Variants in CNTNAP2 observed in about 807,000 individuals in gnomAD.
The protein encoded by CNTNAP2 is contactin associated protein 2, also known as contactin-associated protein-like 2.
In CNTNAP2, 98 loss-of-function variants were observed where a neutral mutation model predicts 155.2. The observed-to-expected ratio is 0.63, with a 90% CI of 0.54 to 0.75. CNTNAP2 has a LOEUF of 0.75. Among genes scored for constraint, CNTNAP2 ranks in the 30% least tolerant of loss-of-function variants. The pLI, the probability that CNTNAP2 is intolerant of heterozygous loss-of-function variation, is 0.00. For synonymous variants in CNTNAP2, 651 were observed against 631.2 expected, an observed-to-expected ratio of 1.03 and a Z score of -0.47; for missense variants, 1,727 against 1,688.1, an observed-to-expected ratio of 1.02 and a Z score of -0.40.
At chr7:147,639,852 C>A (rs1364067596) in intron 13 of CNTNAP2, among the ~76,000 whole-genome samples, 1 of 152,146 alleles carries the variant, frequency 6.6e-6, no homozygotes, top group Non-Finnish European at 1.5e-5. Context: ...TGCAAACACA[C>A]ATACATGTGT....
At chr7:148,393,804 CATTA>C (rs1444361929) in intron 22 of CNTNAP2, among the ~76,000 whole-genome samples, 1 of 151,990 alleles carries the variant, frequency 6.6e-6, no homozygotes, top group African/African-American at 2.4e-5. Flanking sequence ...GTTTGTATTT[CATTA>C]ATTATGAGTT....
At chr7:147,756,014 C>T (rs1004355871) in intron 13 of CNTNAP2, among the ~76,000 whole-genome samples, 1 of 151,978 alleles carries the variant, frequency 6.6e-6, no homozygotes, top group African/African-American at 2.4e-5. Context: ...TTTTTAACTT[C>T]CCAACTCTTT....
intron 1 of CNTNAP2, among the ~76,000 whole-genome samples, chr7:146,352,766 T>TTTTTTTTTTTTTTTTTTC (rs1794936904): frequency 7.4e-6 from 1 of 135,540 alleles, no homozygotes. Context: ...TTTTTTTTTT[T>TTTTTTTTTTTTTTTTTTC]TTTTTCGAGA....
chr7:146,772,381 A>G (rs1016485736), intron 1 of CNTNAP2, among the ~76,000 whole-genome samples: 9 of 151,796 alleles, frequency 5.9e-5, no homozygotes, highest in East Asian at 2.0e-4. Context: ...AGGAGGGGCC[A>G]GGTGCGGTGG....
intron 7 of CNTNAP2, among the ~76,000 whole-genome samples, chr7:147,131,599 A>G (rs770411940): frequency 2.6e-5 from 4 of 152,090 alleles, no homozygotes; most frequent in Non-Finnish European, 5.9e-5. Flanking sequence ...GCATTGTGAT[A>G]TAAGCACAAT....
At chr7:148,348,550 G>A (rs948666363) in intron 21 of CNTNAP2, among the ~76,000 whole-genome samples, 10 of 152,174 alleles carry the variant, frequency 6.6e-5, no homozygotes, top group African/African-American at 2.2e-4. Context: ...AGGCCCTCAC[G>A]GAGGACGAGG....
intron 1 of CNTNAP2, among the ~76,000 whole-genome samples, chr7:146,207,160 C>T (rs1798959802): frequency 6.6e-6 from 1 of 151,894 alleles, no homozygotes; most frequent in African/African-American, 2.4e-5. Flanking sequence ...TTAAGGTATT[C>T]ACAGCTTTCA....
intron 14 of CNTNAP2, among the ~76,000 whole-genome samples, chr7:147,911,850 A>G (rs1800072401): frequency 6.6e-6 from 1 of 152,094 alleles, no homozygotes; most frequent in Non-Finnish European, 1.5e-5. Context: ...TTCTTCATTC[A>G]TTTGCCAAGG....
chr7:147,025,515 G>A (rs1455380618), intron 3 of CNTNAP2, among the ~76,000 whole-genome samples: 2 of 84,796 alleles, frequency 2.4e-5, no homozygotes, highest in South Asian at 1.3e-3. Context: ...ACGGGGAGAA[G>A]AAAGTGGGGA....
intron 8 of CNTNAP2, among the ~76,000 whole-genome samples, chr7:147,169,154 A>G (rs982512593): frequency 6.6e-6 from 1 of 152,208 alleles, no homozygotes; most frequent in Non-Finnish European, 1.5e-5. Context: ...ATTTATCTAT[A>G]CGACTCTAAT....
At chr7:147,374,681 C>G (rs1048101951) in intron 9 of CNTNAP2, among the ~76,000 whole-genome samples, 2 of 151,978 alleles carry the variant, frequency 1.3e-5, no homozygotes, top group African/African-American at 2.4e-5. Context: ...CAGTATGCTT[C>G]CTCCAGAGGA....
intron 1 of CNTNAP2, among the ~76,000 whole-genome samples, chr7:146,138,063 A>G (rs547873707): frequency 4.5e-4 from 68 of 152,204 alleles, no homozygotes; most frequent in African/African-American, 1.5e-3. Flanking sequence ...TCATGAGGCT[A>G]AAGCCAGATA....
chr7:147,702,055 GTTT>G (rs553693695), intron 13 of CNTNAP2, among the ~76,000 whole-genome samples: 20 of 111,902 alleles, frequency 1.8e-4, no homozygotes, highest in African/African-American at 6.1e-4. Context: ...ACTTTGGTTG[GTTT>G]TTTTTTTTTT....
chr7:146,282,609 A>C (rs2129085108), intron 1 of CNTNAP2, among the ~76,000 whole-genome samples: 1 of 152,332 alleles, frequency 6.6e-6, no homozygotes, highest in Non-Finnish European at 1.5e-5. Flanking sequence ...TTGCTCTCAG[A>C]AAAATCACTA....
At chr7:148,261,219 G>A (rs927131760) in intron 20 of CNTNAP2, among the ~76,000 whole-genome samples, 3 of 151,892 alleles carry the variant, frequency 2.0e-5, no homozygotes, top group African/African-American at 7.3e-5. Flanking sequence ...GGAGTGCAGT[G>A]GCACCATCTC....
intron 8 of CNTNAP2, among the ~76,000 whole-genome samples, chr7:147,147,476 A>G (rs2129288643): frequency 6.6e-6 from 1 of 152,292 alleles, no homozygotes; most frequent in East Asian, 1.9e-4. Flanking sequence ...TTTCAGCAAA[A>G]AAAACAAAAA....
At chr7:147,181,860 C>T (rs1397352154) in intron 8 of CNTNAP2, among the ~76,000 whole-genome samples, 2 of 152,108 alleles carry the variant, frequency 1.3e-5, no homozygotes, top group Non-Finnish European at 2.9e-5. Context: ...GCCGCAGTGG[C>T]TCACGCCTGT....
At chr7:147,651,135 G>A (rs112796314) in intron 13 of CNTNAP2, among the ~76,000 whole-genome samples, 2,441 of 152,228 alleles carry the variant, frequency 0.016, 37 homozygotes, top group Middle Eastern at 0.027. Flanking sequence ...TATATTTAGA[G>A]ATTTATTGCA....
chr7:147,315,128 A>G (rs1053044882), intron 9 of CNTNAP2, among the ~76,000 whole-genome samples: 6 of 141,936 alleles, frequency 4.2e-5, no homozygotes, highest in African/African-American at 1.5e-4. Context: ...AAAAAAAAAA[A>G]AGTCTTTGGC....
Sources: gnomAD v4.1 joint callset for allele counts (sites outside exome capture counted in the v4.1 genomes callset) on GRCh38, gnomAD v4.1.1 for gene constraint, MANE v1.5 for transcripts, NCBI Gene and HGNC (gene_info 2026-07-23, HGNC 2026-07-21) for gene names.